Variants in PIK3C2G observed in about 807,000 individuals in gnomAD.
PIK3C2G encodes the protein phosphatidylinositol 3-kinase C2 domain-containing subunit gamma.
In PIK3C2G, 168 loss-of-function variants were observed where a neutral mutation model predicts 181.1. That is an observed-to-expected ratio of 0.93 (90% CI 0.82 to 1.05). The LOEUF is 1.05. PIK3C2G is among the 50% of genes least tolerant of loss of function. The pLI, the probability that PIK3C2G is intolerant of heterozygous loss-of-function variation, is 0.00. For synonymous variants in PIK3C2G, 573 were observed against 592.2 expected (o/e 0.97, Z 0.47); for missense variants, 1,869 against 1,732.8 (o/e 1.08, Z -1.40).
intron 29 of PIK3C2G, among the ~76,000 whole-genome samples, chr12:18,583,554 G>C (rs889584984): frequency 2.6e-5 from 4 of 151,802 alleles, no homozygotes; most frequent in Non-Finnish European, 5.9e-5. Flanking sequence ...CCAGGCTCTG[G>C]AGAGTCTGTG....
intron 13 of PIK3C2G, among the ~76,000 whole-genome samples, chr12:18,375,280 G>T (rs73066505): frequency 6.6e-6 from 1 of 152,146 alleles, no homozygotes; most frequent in African/African-American, 2.4e-5. Flanking sequence ...GGAACTTATT[G>T]GGAGCCAAAG....
intron 31 of PIK3C2G, among the ~76,000 whole-genome samples, chr12:18,622,137 G>C (rs1157499835): frequency 6.6e-6 from 1 of 151,786 alleles, no homozygotes; most frequent in Non-Finnish European, 1.5e-5. Flanking sequence ...TCAGCATGCT[G>C]TGCTATTGAT....
At chr12:18,716,240 C>T in the PIK3C2G span, among the ~76,000 whole-genome samples, 1 of 151,522 alleles carries the variant, frequency 6.6e-6, no homozygotes, top group Non-Finnish European at 1.5e-5. Context: ...GAGCTTTTTA[C>T]TTGGGGTGGG....
chr12:18,525,300 G>A (rs1348987231), intron 24 of PIK3C2G, among the ~76,000 whole-genome samples: 2 of 151,964 alleles, frequency 1.3e-5, no homozygotes, highest in African/African-American at 4.8e-5. Flanking sequence ...GCTGAGGCAG[G>A]AGAATCGCGT....
chr12:18,361,901 G>GGCTTGTC (rs1941266004), intron 11 of PIK3C2G, among the ~76,000 whole-genome samples: 1 of 152,090 alleles, frequency 6.6e-6, no homozygotes, highest in African/African-American at 2.4e-5. Context: ...CCTGACCAGG[G>GGCTTGTC]AGTGGCTGAC....
chr12:18,456,402 G>C (rs887918062), intron 18 of PIK3C2G, among the ~76,000 whole-genome samples: 8 of 152,062 alleles, frequency 5.3e-5, no homozygotes, highest in Admixed American at 1.3e-4. Flanking sequence ...CCTGCAGAAA[G>C]AGAGGGGCTC....
intron 12 of PIK3C2G, among the ~76,000 whole-genome samples, chr12:18,363,847 G>A (rs781014201): frequency 3.9e-5 from 6 of 152,038 alleles, no homozygotes; most frequent in African/African-American, 7.2e-5. Context: ...TTCAATTCTC[G>A]CATACCTCAT....
chr12:18,411,152 C>T (rs1480478444), intron 16 of PIK3C2G, among the ~76,000 whole-genome samples: 5 of 151,962 alleles, frequency 3.3e-5, no homozygotes, highest in African/African-American at 1.2e-4. Flanking sequence ...TTTACTGATC[C>T]ATTTAGAATG....
At chr12:18,671,841 T>C in the PIK3C2G span, among the ~76,000 whole-genome samples, 1 of 152,116 alleles carries the variant, frequency 6.6e-6, no homozygotes, top group African/African-American at 2.4e-5. Context: ...GTTTTGGAGT[T>C]TGAGAAGTTT....
At chr12:18,420,863 T>A in intron 16 of PIK3C2G, 78 bp from the exon 17 acceptor site, 1 of 769,996 alleles carries the variant, frequency 1.3e-6, no homozygotes, top group Non-Finnish European at 2.3e-6. Flanking sequence ...GTAGAATTCA[T>A]TCTCTGTTCT....
intron 5 of PIK3C2G, among the ~76,000 whole-genome samples, chr12:18,310,330 G>A (rs997863196): frequency 6.6e-6 from 1 of 151,802 alleles, no homozygotes; most frequent in Non-Finnish European, 1.5e-5. Flanking sequence ...GCTAATATCA[G>A]AACTTTGGCT....
the PIK3C2G span, among the ~76,000 whole-genome samples, chr12:18,680,879 T>C: frequency 6.6e-6 from 1 of 152,050 alleles, no homozygotes; most frequent in Non-Finnish European, 1.5e-5. Flanking sequence ...AGGGGTCAAT[T>C]CTATGATTGG....
At chr12:18,418,081 C>T (rs1360500378) in intron 16 of PIK3C2G, among the ~76,000 whole-genome samples, 2 of 152,044 alleles carry the variant, frequency 1.3e-5, no homozygotes, top group Non-Finnish European at 2.9e-5. Context: ...TATGAAGTTG[C>T]TAAATCCTAG....
At chr12:18,588,959 G>A (rs1002159303) in intron 29 of PIK3C2G, among the ~76,000 whole-genome samples, 2 of 152,056 alleles carry the variant, frequency 1.3e-5, no homozygotes, top group African/African-American at 4.8e-5. Context: ...GATGGAGCTG[G>A]AGGCCACTAT....
At chr12:18,251,817 G>A (rs1358363822) in intron 1 of PIK3C2G, among the ~76,000 whole-genome samples, 1 of 151,934 alleles carries the variant, frequency 6.6e-6, no homozygotes, top group African/African-American at 2.4e-5. Flanking sequence ...GATTTGGGAG[G>A]ATGTCTGCAA....
intron 31 of PIK3C2G, among the ~76,000 whole-genome samples, chr12:18,619,082 TATTATATATTATTTA>T (rs1229753610): frequency 6.6e-6 from 1 of 150,730 alleles, no homozygotes; most frequent in East Asian, 1.9e-4. Context: ...AATTTAATTA[TATTATATATTATTTA>T]ATTATATATT....
the PIK3C2G span, among the ~76,000 whole-genome samples, chr12:18,675,197 A>G: frequency 1.9e-3 from 287 of 152,314 alleles, 1 homozygote; most frequent in African/African-American, 6.8e-3. Context: ...AGATGGCTAC[A>G]GTCACATGAG....
At chr12:18,484,438 A>G (rs2136034878) in intron 18 of PIK3C2G, among the ~76,000 whole-genome samples, 1 of 152,304 alleles carries the variant, frequency 6.6e-6, no homozygotes, top group South Asian at 2.1e-4. Flanking sequence ...CATCTAGGGT[A>G]TGGATTTAAT....
chr12:18,705,386 G>A, the PIK3C2G span: 4 of 1,537,884 alleles, frequency 2.6e-6, no homozygotes, highest in Middle Eastern at 1.7e-4. Flanking sequence ...TAATATAAGT[G>A]CTTAATGTAT....
Sources: gnomAD v4.1 joint callset for allele counts (sites outside exome capture counted in the v4.1 genomes callset) on GRCh38, gnomAD v4.1.1 for gene constraint, MANE v1.5 for transcripts, NCBI Gene and HGNC (gene_info 2026-07-23, HGNC 2026-07-21) for gene names.